Variants in SI observed in about 807,000 individuals in gnomAD.
SI encodes the protein sucrase-isomaltase, also known as sucrase-isomaltase, intestinal.
Under a neutral mutation model 253.3 loss-of-function variants are expected in SI, and 235 were observed. The ratio of observed to expected loss-of-function variants is 0.93; its 90% confidence interval spans 0.83 to 1.03. SI has a LOEUF of 1.03. Ranked by LOEUF, SI falls within the 50% of genes least tolerant of loss-of-function variation. SI has a pLI of 0.00. For synonymous variants in SI, 819 were observed against 712.0 expected (o/e 1.15, Z -2.39); for missense variants, 2,442 against 2,211.1 (o/e 1.10, Z -2.09).
chr3:165,038,605 A>C (rs1359953868), intron 20 of SI, among the ~76,000 whole-genome samples: 2 of 151,806 alleles, frequency 1.3e-5, no homozygotes, highest in Non-Finnish European at 2.9e-5. Context: ...TGTTCAATTG[A>C]AAAAATGGAT....
intron 35 of SI, among the ~76,000 whole-genome samples, chr3:165,008,352 C>T (rs1679728203): frequency 6.6e-6 from 1 of 151,824 alleles, no homozygotes; most frequent in Non-Finnish European, 1.5e-5. Context: ...GCTTTTATTG[C>T]TAAAACTACA....
At position 164,979,395 on chromosome 3, in the gene SI, A is replaced by G; in HGVS notation, c.5451T>C (p.Thr1817=). 1.3e-6 allele frequency: 2 copies of G among 1,590,216 alleles called. No homozygotes were observed. Among genetic ancestry groups the G allele is most frequent in the South Asian group, 1.1e-5 (1 of 90,596 alleles). The change falls in exon 48 of 48, where the codon ACT becomes ACC. Residue 1817 remains threonine (T), a synonymous_variant. Coordinates refer to ENST00000264382, the MANE Select transcript of SI (RefSeq NM_001041.4). ...AGTTGATTTCTATTGGTTCTTCTAG[A>G]GTAACATTGTGTGTGGTCAGATCAA... ...LRIDLTTHNV[T]LEEPIEINWS is the part of the protein sequence containing the mutation.
chr3:165,063,569 T>A, intron 7 of SI, 28 bp from the exon 8 acceptor site: 1 of 965,394 alleles, frequency 1.0e-6, no homozygotes, highest in Non-Finnish European at 1.7e-6. Context: ...GAAAATACGA[T>A]TTTCAAATAT....
At chr3:165,005,297 A>G (rs745881560) in intron 37 of SI, among the ~76,000 whole-genome samples, 1 of 152,192 alleles carries the variant, frequency 6.6e-6, no homozygotes, top group South Asian at 2.1e-4. Flanking sequence ...ATAGCACAAC[A>G]GGATGATAGT....
At chr3:165,037,759 T>C (rs891692849) in intron 21 of SI, 141 bp downstream of exon 21, 11 of 530,314 alleles carry the variant, frequency 2.1e-5, no homozygotes, top group Non-Finnish European at 3.4e-5. Context: ...ATAGCTATGA[T>C]GGTTATAGTT....
chr3:165,003,399 C>T (rs148556012), intron 37 of SI, among the ~76,000 whole-genome samples: 14 of 152,008 alleles, frequency 9.2e-5, no homozygotes, highest in African/African-American at 2.7e-4. Context: ...ATATTGTGTT[C>T]CAGCAGGGTT....
rs1002109842 is a variant in SI at position 165,026,955 on chromosome 3, A to G, written c.2893-3179T>C. Reference sequence around the variant, plus strand: ...AATCAAACCAAAACTCAGAAGAAGAAAGGAAATAACCAAGATTGGAGCATA... The same window carrying G: ...AATCAAACCAAAACTCAGAAGAAGAGAGGAAATAACCAAGATTGGAGCATA... On this transcript the variant is annotated intron_variant, in intron 25 of 47. Transcript: ENST00000264382. Among the ~76,000 whole-genome samples the G allele has an allele frequency of 1.2e-4, 18 of 151,544 alleles. 1 individual carries two copies.
chr3:165,028,659 G>A (rs1712054881), intron 25 of SI, among the ~76,000 whole-genome samples: 3 of 151,006 alleles, frequency 2.0e-5, no homozygotes, highest in South Asian at 2.1e-4. Context: ...CCTGATCTTC[G>A]ATAAAGCAGA....
chr3:164,987,480 GC>G (rs1392754384), intron 44 of SI, among the ~76,000 whole-genome samples: 1 of 152,194 alleles, frequency 6.6e-6, no homozygotes, highest in African/African-American at 2.4e-5. Flanking sequence ...GGAGGCCAAG[GC>G]GGGTGGATCA....
intron 37 of SI, among the ~76,000 whole-genome samples, chr3:165,006,069 A>G (rs1718496140): frequency 6.6e-6 from 1 of 152,168 alleles, no homozygotes; most frequent in South Asian, 2.1e-4. Context: ...AGTTCATTAA[A>G]AGTGCTCTAA....
chr3:165,006,787 C>A, intron 37 of SI, 29 bp downstream of exon 37: 1 of 1,594,448 alleles, frequency 6.3e-7, no homozygotes, highest in East Asian at 2.2e-5. Flanking sequence ...ATAAAAGAGT[C>A]AGAGAGGATA....
chr3:165,030,595 G>T, intron 25 of SI, 117 bp downstream of exon 25: 1 of 1,067,922 alleles, frequency 9.4e-7, no homozygotes, highest in Non-Finnish European at 1.4e-6. Context: ...AATTCCAAAT[G>T]ATTATCTACT....
At chr3:165,024,034 ACT>A (rs1196219801) in intron 25 of SI, among the ~76,000 whole-genome samples, 1 of 151,470 alleles carries the variant, frequency 6.6e-6, no homozygotes, top group East Asian at 1.9e-4. Context: ...ACATTTTTTA[ACT>A]CAAAAAATAG....
chr3:164,995,166 T>C (rs1439097729), intron 40 of SI, among the ~76,000 whole-genome samples: 3 of 151,778 alleles, frequency 2.0e-5, no homozygotes, highest in Admixed American at 6.6e-5. Flanking sequence ...GGGCCCTTTA[T>C]AGTTGTGTCA....
the SI span, among the ~76,000 whole-genome samples, chr3:165,088,285 G>T: frequency 6.6e-6 from 1 of 152,170 alleles, no homozygotes; most frequent in African/African-American, 2.4e-5. Context: ...GGCTAAGGTT[G>T]CAGTGAGCCC....
intron 13 of SI, among the ~76,000 whole-genome samples, chr3:165,052,377 T>A (rs969106074): frequency 2.0e-5 from 3 of 152,128 alleles, no homozygotes; most frequent in Non-Finnish European, 4.4e-5. Context: ...TATGTAGGTG[T>A]CATTCAAATC....
At chr3:165,013,063 A>G (rs760890947) in intron 33 of SI, 21 bp from the exon 34 acceptor site, 18 of 1,514,068 alleles carry the variant, frequency 1.2e-5, no homozygotes, top group Non-Finnish European at 1.6e-5. Flanking sequence ...CAAGACATGG[A>G]AAAGCTGATC....
chr3:165,018,217 G>A, intron 28 of SI, 151 bp from the exon 29 acceptor site: 1 of 611,854 alleles, frequency 1.6e-6, no homozygotes, highest in East Asian at 2.8e-5. Context: ...AAATAAATGT[G>A]TCTCCCTAGA....
intron 13 of SI, among the ~76,000 whole-genome samples, chr3:165,052,751 T>C (rs568272271): frequency 2.7e-4 from 41 of 152,230 alleles, no homozygotes; most frequent in Non-Finnish European, 4.7e-4. Context: ...CTGATGGCAT[T>C]TTATACTCAC....
Sources: allele counts gnomAD v4.1 joint callset (sites outside exome capture counted in the v4.1 genomes callset), GRCh38; gene constraint gnomAD v4.1.1; transcripts MANE v1.5; gene names NCBI Gene and HGNC (gene_info 2026-07-23, HGNC 2026-07-21).